AGBL1: variants seen among roughly 807,000 people sequenced by gnomAD.
The protein encoded by AGBL1 is cytosolic carboxypeptidase 4.
AGBL1 carries 130 observed loss-of-function variants against 118.9 expected under a neutral mutation model. The ratio of observed to expected loss-of-function variants is 1.09; its 90% CI spans 0.95 to 1.26. The LOEUF is 1.26. Among genes scored for constraint, AGBL1 ranks in the 50% most tolerant of loss-of-function variants. The pLI, the probability that AGBL1 is intolerant of heterozygous loss-of-function variation, is 0.00. For missense variants in AGBL1, 1,584 were observed against 1,298.1 expected, an observed-to-expected ratio of 1.22 and a Z score of -3.38; for synonymous variants, 555 against 478.9, an observed-to-expected ratio of 1.16 and a Z score of -2.08.
intron 23 of AGBL1, among the ~76,000 whole-genome samples, chr15:86,961,080 A>C (rs1050381715): frequency 6.6e-6 from 1 of 152,230 alleles, no homozygotes; most frequent in South Asian, 2.1e-4. Context: ...GTAGATTTCA[A>C]GTGTCCTTAT....
intron 4 of AGBL1, among the ~76,000 whole-genome samples, 143 bp from the exon 5 acceptor site, chr15:86,158,777 GACATTATAGAGGA>G (rs2077227005): frequency 8.9e-6 from 1 of 112,988 alleles, no homozygotes; most frequent in Admixed American, 7.8e-5. Flanking sequence ...ACCCGAGAAT[GACATTATAGAGGA>G]ATGTGCAACC....
intron 18 of AGBL1, among the ~76,000 whole-genome samples, chr15:86,510,147 T>G (rs1366146645): frequency 6.6e-6 from 1 of 152,100 alleles, no homozygotes; most frequent in African/African-American, 2.4e-5. Context: ...TCAGCAGAAA[T>G]TATTTTTCTG....
intron 21 of AGBL1, among the ~76,000 whole-genome samples, chr15:86,566,307 GA>G (rs1228785479): frequency 3.9e-5 from 6 of 152,204 alleles, no homozygotes; most frequent in African/African-American, 1.4e-4. Flanking sequence ...TTTCTAGGGA[GA>G]AAGTGCTCTG....
intron 5 of AGBL1, among the ~76,000 whole-genome samples, chr15:86,214,838 A>G (rs536985692): frequency 1.2e-4 from 19 of 152,372 alleles, no homozygotes; most frequent in African/African-American, 3.1e-4. Context: ...TATCTCAGGC[A>G]GTAGCCATCC....
rs185495914 is a variant in AGBL1, at chr15:86,208,670, C to T, written c.489-16244C>T. On this transcript the variant is annotated intron_variant, in intron 5 of 22. Transcript: ENST00000614907. ...TCTGTGGGATTGGTGGTGATATCCC[C>T]TTTATCATTTTTTATTGTGTCTATT... is the stretch of plus-strand genomic sequence containing the variant. Among the ~76,000 whole-genome samples, 972 of 152,186 alleles carry T rather than the reference C, an allele frequency of 6.4e-3. 13 individuals are homozygous for T. The highest frequency in any genetic ancestry group is 0.022 in the African/African-American group (924 of 41,532).
At chr15:86,800,670 A>C (rs1335656133) in intron 22 of AGBL1, among the ~76,000 whole-genome samples, 1 of 152,182 alleles carries the variant, frequency 6.6e-6, no homozygotes, top group Non-Finnish European at 1.5e-5. Context: ...TGCTAAGTTC[A>C]AGCATGAGCC....
chr15:86,626,770 C>T (rs948957130), intron 21 of AGBL1, among the ~76,000 whole-genome samples: 1 of 151,756 alleles, frequency 6.6e-6, no homozygotes, highest in Non-Finnish European at 1.5e-5. Flanking sequence ...TTGTGGAGAG[C>T]CTTCCTAAAA....
chr15:86,742,096 A>T (rs1390874849), intron 22 of AGBL1, among the ~76,000 whole-genome samples: 1 of 151,946 alleles, frequency 6.6e-6, no homozygotes, highest in Non-Finnish European at 1.5e-5. Context: ...GTGACTCTGA[A>T]CCAGCAGTGA....
intron 18 of AGBL1, among the ~76,000 whole-genome samples, chr15:86,521,055 C>A (rs1045027472): frequency 6.6e-6 from 1 of 152,160 alleles, no homozygotes; most frequent in South Asian, 2.1e-4. Context: ...CAGAGAGGAA[C>A]ATGCACAAGA....
intron 17 of AGBL1, among the ~76,000 whole-genome samples, chr15:86,375,485 G>A (rs2081030184): frequency 6.6e-6 from 1 of 152,112 alleles, no homozygotes; most frequent in African/African-American, 2.4e-5. Context: ...TACAGTTCAA[G>A]ATGAGATTTG....
chr15:86,869,250 C>A (rs2079684271), intron 22 of AGBL1, among the ~76,000 whole-genome samples: 1 of 152,072 alleles, frequency 6.6e-6, no homozygotes, highest in South Asian at 2.1e-4. Flanking sequence ...CACAAGTATG[C>A]AAAAGCCACC....
chr15:86,998,904 G>T (rs573996920), intron 24 of AGBL1, among the ~76,000 whole-genome samples: 14 of 151,096 alleles, frequency 9.3e-5, no homozygotes, highest in Non-Finnish European at 1.5e-4. Flanking sequence ...GGGTACATGT[G>T]CACAACATGC....
intron 24 of AGBL1, among the ~76,000 whole-genome samples, chr15:86,999,094 G>C (rs7495868): frequency 6.6e-6 from 1 of 151,022 alleles, no homozygotes; most frequent in African/African-American, 2.4e-5. Flanking sequence ...CTATGAGTGA[G>C]AACATGCAGT....
rs944109973 is a variant in AGBL1 at position 86,455,326 on chromosome 15, C to T, written c.2555+57780C>T. On this transcript the variant is annotated intron_variant, in intron 18 of 22. Transcript: ENST00000614907. ...TATCACCATTTTATAGATAAATAAG[C>T]CAGGGTCAGAGAAGTTAAGTGACTT... Among the ~76,000 whole-genome samples the T allele has an allele frequency of 2.0e-5, 3 of 152,090 alleles. No homozygotes were observed. In the East Asian group the frequency reaches 5.8e-4, roughly 30 times the overall value.
intron 19 of AGBL1, among the ~76,000 whole-genome samples, chr15:86,537,611 G>A (rs1011743367): frequency 6.6e-5 from 10 of 152,186 alleles, no homozygotes; most frequent in African/African-American, 9.6e-5. Context: ...TCAAATACGC[G>A]AATTGAGAGT....
At chr15:86,922,710 AATAAAC>A (rs1309336976) in intron 23 of AGBL1, among the ~76,000 whole-genome samples, 2 of 152,248 alleles carry the variant, frequency 1.3e-5, no homozygotes, top group East Asian at 1.9e-4. Flanking sequence ...ATGATCAAGA[AATAAAC>A]ATAATACTAT....
At chr15:86,682,053 T>C (rs958712936) in intron 22 of AGBL1, among the ~76,000 whole-genome samples, 12 of 152,340 alleles carry the variant, frequency 7.9e-5, no homozygotes, top group Middle Eastern at 3.4e-3. Context: ...GTAATAGCTC[T>C]CTTTAATTAT....
chr15:86,408,548 G>A lies in AGBL1; in HGVS notation c.2555+11002G>A, dbSNP rs899818324. ...CATGTTTAATTCCTGAGTTTCATTC[G>A]TCACATTTTAATTTAGATTGCTTTG... is the stretch of plus-strand genomic sequence containing the variant. On this transcript the variant is annotated intron_variant, in intron 18 of 22. Transcript: ENST00000614907. 5.9e-5 allele frequency among the ~76,000 whole-genome samples: 9 copies of A among 152,264 alleles called. No homozygotes were observed. The South Asian group carries it at 1.0e-3, about 18-fold the overall frequency.
At chr15:86,793,943 G>A (rs1035111801) in intron 22 of AGBL1, among the ~76,000 whole-genome samples, 1 of 152,086 alleles carries the variant, frequency 6.6e-6, no homozygotes, top group Admixed American at 6.6e-5. Flanking sequence ...AAAAAATATG[G>A]AAAGTAACCA....
Sources: allele counts gnomAD v4.1 joint callset (sites outside exome capture counted in the v4.1 genomes callset), GRCh38; gene constraint gnomAD v4.1.1; transcripts MANE v1.5; gene names NCBI Gene and HGNC (gene_info 2026-07-23, HGNC 2026-07-21).